ARHGEF4: variants seen among roughly 807,000 people sequenced by gnomAD.
The protein encoded by ARHGEF4 is APC-stimulated guanine nucleotide exchange factor 1.
Under a neutral mutation model 162.0 loss-of-function variants are expected in ARHGEF4, and 119 were observed. That is an observed-to-expected ratio of 0.73 (90% CI 0.63 to 0.86). ARHGEF4 has a LOEUF of 0.86. Among genes scored for constraint, ARHGEF4 ranks in the 40% least tolerant of loss-of-function variants. The pLI is 0.00. For synonymous variants in ARHGEF4, 1,014 were observed against 979.9 expected (o/e 1.03, Z -0.65); for missense variants, 2,488 against 2,456.0 (o/e 1.01, Z -0.28).
intron 1 of ARHGEF4, among the ~76,000 whole-genome samples, chr2:130,869,086 GACA>G: frequency 6.6e-6 from 1 of 152,338 alleles, no homozygotes; most frequent in East Asian, 1.9e-4. Context: ...TTAGGACACA[GACA>G]TCTTGGGGGT....
intron 5 of ARHGEF4, among the ~76,000 whole-genome samples, chr2:131,034,480 C>G (rs1690087264): frequency 6.6e-6 from 1 of 152,202 alleles, no homozygotes; most frequent in Admixed American, 6.5e-5. Context: ...TGAAGAGGGG[C>G]CCCTCAGGGT....
At chr2:130,973,085 G>A (rs1198881570) in intron 4 of ARHGEF4, among the ~76,000 whole-genome samples, 1 of 152,250 alleles carries the variant, frequency 6.6e-6, no homozygotes, top group Non-Finnish European at 1.5e-5. Flanking sequence ...CTAAACATCT[G>A]TATATTAATA....
intron 4 of ARHGEF4, among the ~76,000 whole-genome samples, chr2:130,958,726 T>G (rs1684449009): frequency 2.0e-5 from 3 of 151,756 alleles, no homozygotes; most frequent in African/African-American, 7.3e-5. Context: ...AGATGTTTCT[T>G]TATTTGCTGT....
chr2:131,004,348 G>A (rs1006611414), intron 4 of ARHGEF4, among the ~76,000 whole-genome samples: 5 of 152,160 alleles, frequency 3.3e-5, no homozygotes, highest in Admixed American at 6.5e-5. Context: ...TGTATTTTTA[G>A]TAGAGACGGG....
At chr2:130,851,905 A>T (rs1029470718) in intron 1 of ARHGEF4, among the ~76,000 whole-genome samples, 13 of 152,238 alleles carry the variant, frequency 8.5e-5, no homozygotes, top group African/African-American at 3.1e-4. Flanking sequence ...GCCACCTGCC[A>T]GGTTGGTGCT....
At position 130,975,223 on chromosome 2, in the gene ARHGEF4, G is replaced by A. The variant is rs140392047; in HGVS notation, c.3985+28588G>A. On this transcript the variant is annotated intron_variant, in intron 4 of 13. Transcript: ENST00000409359. ...GCATCCTCTCCTTCCAAGTGTCTAA[G>A]GAGCTAATTGTGTGAATCATTTTTA... Among the ~76,000 whole-genome samples, 243 of 152,322 alleles carry A rather than the reference G, an allele frequency of 1.6e-3. 1 individual carries two copies. The highest frequency in any genetic ancestry group is 5.4e-3 in the African/African-American group (224 of 41,560).
intron 4 of ARHGEF4, among the ~76,000 whole-genome samples, chr2:131,000,807 CA>C (rs201684055): frequency 6.0e-5 from 9 of 150,308 alleles, no homozygotes; most frequent in South Asian, 4.2e-4. Flanking sequence ...AAGGCAAAGC[CA>C]AAAAAAAGCC....
At position 130,998,633 on chromosome 2, in the gene ARHGEF4, T is replaced by C. The variant is rs77262629; in HGVS notation, c.3986-29312T>C. Among the ~76,000 whole-genome samples the C allele has an allele frequency of 8.3e-3, 1,268 of 152,330 alleles. 16 individuals carry two copies. Among genetic ancestry groups the C allele is most frequent in the African/African-American group, 0.029 (1,206 of 41,570 alleles). On this transcript the variant is annotated intron_variant, in intron 4 of 13. Transcript: ENST00000409359. The stretch of plus-strand genomic sequence containing the variant: ...GGGTTTCCTCTGTGTCTTTTATGGC[T>C]TCATAGCTCCATAGCTCCTTTTTCT...
intron 1 of ARHGEF4, among the ~76,000 whole-genome samples, chr2:130,903,483 C>T (rs1680632525): frequency 6.6e-6 from 1 of 152,180 alleles, no homozygotes; most frequent in African/African-American, 2.4e-5. Flanking sequence ...TGGTCTCGAT[C>T]TCTTGACCTC....
intron 8 of ARHGEF4, among the ~76,000 whole-genome samples, chr2:131,040,726 G>A (rs748791373): frequency 2.6e-4 from 40 of 152,212 alleles, no homozygotes; most frequent in Admixed American, 2.0e-3. Flanking sequence ...CCTGCCGAGC[G>A]CCGCAGGGGC....
chr2:130,988,554 G>A (rs1010285774), intron 4 of ARHGEF4, among the ~76,000 whole-genome samples: 2 of 152,138 alleles, frequency 1.3e-5, no homozygotes, highest in African/African-American at 2.4e-5. Context: ...GAACATTTTG[G>A]TGTGTATTGG....
Position 130,964,291 on chromosome 2 carries a change from C to T in ARHGEF4, c.3985+17656C>T, listed in dbSNP as rs1375003506. On this transcript the variant is annotated intron_variant, in intron 4 of 13. Coordinates refer to ENST00000409359, the MANE Select transcript of ARHGEF4 (RefSeq NM_001367493.1). ...CCCCGCGCCGCACGCGCCCTCCGCG[C>T]CCGGGTCTGTGCTCTTGGGACCCCC... 3 of 982,896 alleles carry T rather than the reference C, an allele frequency of 3.1e-6. No individual in the cohort carries two copies. The Admixed American group carries it at 1.8e-4, about 60-fold the overall frequency. 60.9% of individuals were successfully genotyped at this position (982,896 alleles called of 1,614,324 possible).
intron 4 of ARHGEF4, among the ~76,000 whole-genome samples, chr2:130,988,231 C>T (rs1030654227): frequency 2.6e-5 from 4 of 152,188 alleles, no homozygotes; most frequent in Non-Finnish European, 5.9e-5. Flanking sequence ...CCTCCGCAGC[C>T]GTGTCCCCAG....
chr2:131,010,508 A>C (rs1688377904), intron 4 of ARHGEF4, among the ~76,000 whole-genome samples: 1 of 152,014 alleles, frequency 6.6e-6, no homozygotes, highest in Non-Finnish European at 1.5e-5. Context: ...ATTGAGAGGG[A>C]TATTTTTTTA....
intron 4 of ARHGEF4, among the ~76,000 whole-genome samples, chr2:131,021,625 C>T (rs928405858): frequency 2.0e-4 from 30 of 152,180 alleles, no homozygotes; most frequent in Non-Finnish European, 3.5e-4. Flanking sequence ...CCAAAATTGA[C>T]AAATGGGATC....
At position 130,916,283 on chromosome 2, in the gene ARHGEF4, C is replaced by T; in HGVS notation, c.2337C>T (p.Arg779=). Residue 779 remains arginine, a synonymous_variant, in exon 2 of 14, where the codon CGC becomes CGT. Coordinates refer to ENST00000409359, the MANE Select transcript of ARHGEF4 (RefSeq NM_001367493.1). ...VPALEPPQPP[R]GLRKGAQEPG... ...CCTTGGAGCCGCCCCAGCCGCCACG[C>T]GGGCTCCGCAAGGGCGCGCAGGAGC... The T allele has an allele frequency of 6.5e-7, 1 of 1,529,098 alleles. No homozygotes were observed. The highest frequency in any genetic ancestry group is 2.5e-5 in the East Asian group (1 of 39,504). The allele number at this position is 1,529,098 out of a possible 1,614,324, so 94.7% of individuals were successfully genotyped here. A position where few individuals can be genotyped will look rare whatever the true frequency, so the allele number is the denominator to read the frequency against.
At position 131,039,016 on chromosome 2, in the gene ARHGEF4, C is replaced by T; in HGVS notation, c.4289C>T (p.Pro1430Leu). The T allele has an allele frequency of 1.2e-6, 2 of 1,612,648 alleles. No individual in the cohort carries two copies. The highest frequency in any genetic ancestry group is 1.7e-6 in the Non-Finnish European group (2 of 1,179,530). Residue 1430 changes from proline to leucine, a missense_variant, in exon 6 of 14, where the codon CCA becomes CTA. By Grantham distance (98) the Pro-to-Leu change is moderately conservative. Transcript: ENST00000409359. ...GRVADGEGWF[P>L]ASFVRLRVNQ... ...GTCGCCGATGGCGAGGGCTGGTTTC[C>T]AGCCAGCTTCGTTCGGGTATGGTTC... is the stretch of plus-strand genomic sequence containing the variant.
At chr2:131,044,643 A>G (rs150828861) in intron 12 of ARHGEF4, 101 bp downstream of exon 12, 26,603 of 1,454,356 alleles carry the variant, frequency 0.018, 371 homozygotes, top group South Asian at 0.054. Flanking sequence ...CAGCCCTCTC[A>G]GGTTGCAGGG....
chr2:131,035,333 C>A, intron 5 of ARHGEF4: 1 of 1,154,582 alleles, frequency 8.7e-7, no homozygotes, highest in Non-Finnish European at 1.1e-6. Flanking sequence ...CCACCCGCGG[C>A]CTCCGCACTG....
Sources: allele counts gnomAD v4.1 joint callset (sites outside exome capture counted in the v4.1 genomes callset), GRCh38; gene constraint gnomAD v4.1.1; transcripts MANE v1.5; gene names NCBI Gene and HGNC (gene_info 2026-07-23, HGNC 2026-07-21).